FANCC: variants seen among roughly 807,000 people sequenced by gnomAD.
The protein encoded by FANCC is Fanconi anemia group C protein.
In FANCC, 55 loss-of-function variants were observed where a neutral mutation model predicts 71.3. That is an observed-to-expected ratio of 0.77 (90% CI 0.62 to 0.97). The LOEUF is 0.97. Among genes scored for constraint, FANCC ranks in the 50% least tolerant of loss-of-function variants. The pLI is 0.00. For synonymous variants in FANCC, 275 were observed against 244.9 expected (o/e 1.12, Z -1.15); for missense variants, 678 against 670.9 (o/e 1.01, Z -0.12).
At chr9:95,170,605 T>C (rs779271826) in intron 6 of FANCC, among the ~76,000 whole-genome samples, 1 of 150,804 alleles carries the variant, frequency 6.6e-6, no homozygotes, top group Non-Finnish European at 1.5e-5. Flanking sequence ...AAATAGGGCA[T>C]ATGTTCACAT....
chr9:95,144,484 T>C (rs749249930), intron 7 of FANCC, among the ~76,000 whole-genome samples: 18 of 152,238 alleles, frequency 1.2e-4, no homozygotes, highest in Non-Finnish European at 2.5e-4. Context: ...CTGAGCACTG[T>C]GCTAGAGCAG....
At chr9:95,234,255 T>C (rs1423231679) in intron 4 of FANCC, among the ~76,000 whole-genome samples, 1 of 152,218 alleles carries the variant, frequency 6.6e-6, no homozygotes, top group African/African-American at 2.4e-5. Flanking sequence ...AAAAATAAAT[T>C]TGTACAACTT....
At chr9:95,189,768 T>C (rs1306265940) in intron 4 of FANCC, among the ~76,000 whole-genome samples, 2 of 152,170 alleles carry the variant, frequency 1.3e-5, no homozygotes, top group Admixed American at 1.3e-4. Flanking sequence ...TCTCCCTGGC[T>C]TGCCCCCTTT....
chr9:95,199,665 G>A (rs1464442766), intron 4 of FANCC, among the ~76,000 whole-genome samples: 1 of 152,162 alleles, frequency 6.6e-6, no homozygotes, highest in Non-Finnish European at 1.5e-5. Flanking sequence ...GAATGGAGGG[G>A]TGGGGGAACA....
chr9:95,263,457 A>G (rs1832179618), intron 1 of FANCC, among the ~76,000 whole-genome samples: 1 of 148,846 alleles, frequency 6.7e-6, no homozygotes, highest in Non-Finnish European at 1.5e-5. Context: ...GAAGACCCCA[A>G]AGAGTTTTAT....
In FANCC at chr9:95,101,817, T is replaced by C. The variant is rs1235875394; in HGVS notation, c.1567A>G (p.Ile523Val). 4 of 1,613,978 alleles carry C rather than the reference T, an allele frequency of 2.5e-6. No individual in the cohort carries two copies. The highest frequency in any genetic ancestry group is 1.6e-4 in the Middle Eastern group (1 of 6,082). The change falls in exon 15 of 15, where the codon ATT (isoleucine) becomes GTT (valine). Residue 523 changes from isoleucine to valine, a missense_variant. Physicochemically the swap from Ile to Val is conservative, Grantham distance 29 (BLOSUM62 3). Coordinates refer to ENST00000289081, the MANE Select transcript of FANCC (RefSeq NM_000136.3). ...AHTAEITHEI[I>V]GFLDQTLYRW... is the part of the protein sequence containing the mutation. Reference sequence around the variant, plus strand: ...TACAAGGTCTGGTCAAGAAAGCCAATGATCTCGTGAGTTATCTCAGCAGTG... The same window carrying C: ...TACAAGGTCTGGTCAAGAAAGCCAACGATCTCGTGAGTTATCTCAGCAGTG...
chr9:95,188,342 T>C (rs1826863187), intron 4 of FANCC, among the ~76,000 whole-genome samples: 1 of 152,180 alleles, frequency 6.6e-6, no homozygotes. Context: ...CGTGGGTTAA[T>C]GCAGCCTGCT....
chr9:95,105,989 G>C (rs2071418692), intron 14 of FANCC, among the ~76,000 whole-genome samples: 1 of 152,240 alleles, frequency 6.6e-6, no homozygotes, highest in South Asian at 2.1e-4. Context: ...ATAGACCTAG[G>C]AGAACTGCCT....
At chr9:95,310,629 T>C (rs1835334617) in intron 1 of FANCC, among the ~76,000 whole-genome samples, 1 of 152,118 alleles carries the variant, frequency 6.6e-6, no homozygotes, top group Non-Finnish European at 1.5e-5. Context: ...CCTTAACCAA[T>C]GACTGTGACG....
At chr9:95,294,262 T>TTTTCGGCCTCACATATCCAGAC (rs1834240587) in intron 1 of FANCC, 3 of 1,579,958 alleles carry the variant, frequency 1.9e-6, no homozygotes, top group Non-Finnish European at 8.7e-7. Flanking sequence ...TGAAGAGTTC[T>TTTTCGGCCTCACATATCCAGAC]TTTCGGCCTC....
chr9:95,215,425 A>G (rs1242355346), intron 4 of FANCC, among the ~76,000 whole-genome samples: 1 of 152,028 alleles, frequency 6.6e-6, no homozygotes, highest in Non-Finnish European at 1.5e-5. Flanking sequence ...AAGAGGAGGA[A>G]AGAACAAAGA....
chr9:95,311,744 T>TGTGTGTGTGTGA (rs371454385), intron 1 of FANCC, among the ~76,000 whole-genome samples: 3 of 150,880 alleles, frequency 2.0e-5, no homozygotes, highest in African/African-American at 4.9e-5. Flanking sequence ...TGTGTGTGTG[T>TGTGTGTGTGTGA]GAAAAACCGC....
chr9:95,190,370 G>A lies in FANCC; in HGVS notation c.346-18223C>T, dbSNP rs560691469. ...AGCTACCTAGATTAAAAAGAAAAAA[G>A]TTCTCCTTGATCCTACCTCTCCCTC... On this transcript the variant is annotated intron_variant, in intron 4 of 14. Coordinates refer to ENST00000289081, the MANE Select transcript of FANCC (RefSeq NM_000136.3). Among the ~76,000 whole-genome samples, 11 of 152,258 alleles carry A rather than the reference G, an allele frequency of 7.2e-5. No individual in the cohort carries two copies. The South Asian group carries it at 8.3e-4, about 11-fold the overall frequency.
rs117363080 is a variant in FANCC at position 95,264,812 on chromosome 9, T to C, written c.-78-15443A>G. 3.3e-3 allele frequency among the ~76,000 whole-genome samples: 508 copies of C among 152,246 alleles called. 9 individuals carry two copies. In the East Asian group the frequency reaches 0.043, roughly 13 times the overall value. On this transcript the variant is annotated intron_variant, in intron 1 of 14. Transcript: ENST00000289081. ...AGAAAATATTTAAAACCCCCTAAAA[T>C]ATAATCAAATATAAAATTAAGAAAT...
At chr9:95,256,052 C>T (rs114483311) in intron 1 of FANCC, among the ~76,000 whole-genome samples, 2,291 of 152,038 alleles carry the variant, frequency 0.015, 60 homozygotes, top group African/African-American at 0.052. Context: ...ACAAAACCTA[C>T]GTTTAATTGG....
intron 1 of FANCC, chr9:95,292,633 C>A (rs1409858798): frequency 1.4e-5 from 20 of 1,409,818 alleles, no homozygotes; most frequent in Admixed American, 1.0e-4. Flanking sequence ...AACAGCCCCG[C>A]GCTCAACATG....
intron 1 of FANCC, among the ~76,000 whole-genome samples, chr9:95,316,319 A>G (rs1445660308): frequency 6.6e-6 from 1 of 152,234 alleles, no homozygotes; most frequent in East Asian, 1.9e-4. Flanking sequence ...TGAAACATCA[A>G]TTCAAGTTTA....
intron 8 of FANCC, among the ~76,000 whole-genome samples, chr9:95,130,460 C>T (rs2135067167): frequency 6.6e-6 from 1 of 152,306 alleles, no homozygotes; most frequent in Non-Finnish European, 1.5e-5. Flanking sequence ...TTATCAAGTG[C>T]TTTCCATCTA....
intron 6 of FANCC, among the ~76,000 whole-genome samples, chr9:95,170,014 A>G (rs1220898564): frequency 3.3e-5 from 5 of 152,144 alleles, no homozygotes; most frequent in African/African-American, 1.2e-4. Context: ...TTTAAAAATT[A>G]TTTTGTTTAT....
Sources: allele counts gnomAD v4.1 joint callset (sites outside exome capture counted in the v4.1 genomes callset), GRCh38; gene constraint gnomAD v4.1.1; transcripts MANE v1.5; gene names NCBI Gene and HGNC (gene_info 2026-07-23, HGNC 2026-07-21).